The following GRM4 variants were observed in gnomAD, a reference collection of about 807,000 sequenced individuals.
The protein encoded by GRM4 is metabotropic glutamate receptor 4.
A neutral mutation model predicts 81.7 loss-of-function variants in GRM4; 28 were observed. That is an observed-to-expected ratio of 0.34 (90% CI 0.25 to 0.47). The LOEUF is 0.47. GRM4 is among the 20% of genes least tolerant of loss of function. GRM4 has a pLI of 1.00. For synonymous variants in GRM4, 488 were observed against 528.8 expected, an observed-to-expected ratio of 0.92 and a Z score of 1.06; for missense variants, 948 against 1,290.0, an observed-to-expected ratio of 0.73 and a Z score of 4.06.
intron 3 of GRM4, among the ~76,000 whole-genome samples, chr6:34,073,312 A>G (rs1209857321): frequency 6.8e-6 from 1 of 147,022 alleles, no homozygotes; most frequent in Non-Finnish European, 1.5e-5. Context: ...ATCACCACAC[A>G]GATACACACC....
At chr6:34,101,699 G>A (rs924920543) in intron 2 of GRM4, among the ~76,000 whole-genome samples, 8 of 152,238 alleles carry the variant, frequency 5.3e-5, no homozygotes, top group African/African-American at 9.6e-5. Flanking sequence ...ACAAAAGATC[G>A]GGCAGGAGCC....
intron 9 of GRM4, among the ~76,000 whole-genome samples, chr6:34,031,531 T>C (rs1159066156): frequency 6.6e-6 from 1 of 152,170 alleles, no homozygotes; most frequent in Non-Finnish European, 1.5e-5. Context: ...CTGCCTGCCT[T>C]GTGCTTCTGC....
At position 34,070,041 on chromosome 6, in the gene GRM4, C is replaced by T. The variant is rs967387628; in HGVS notation, c.737-8013G>A. On this transcript the variant is annotated intron_variant, in intron 3 of 10. Coordinates refer to ENST00000538487, the MANE Select transcript of GRM4 (RefSeq NM_000841.4). This position sits in a 1 kb window ranked among gnomAD's most constrained non-coding sequence, Gnocchi z 4.6. The stretch of plus-strand genomic sequence containing the variant: ...AATGGAGAACTGAGTTCCTGACTGA[C>T]GGGGTTTTGAAGGGACAGCTCGGCA... Among the ~76,000 whole-genome samples the T allele has an allele frequency of 1.3e-5, 2 of 152,252 alleles. No homozygotes were observed. The highest frequency in any genetic ancestry group is 4.8e-5 in the African/African-American group (2 of 41,558).
At chr6:34,132,718 T>G (rs892384398) in intron 2 of GRM4, among the ~76,000 whole-genome samples, 2 of 152,198 alleles carry the variant, frequency 1.3e-5, no homozygotes, top group Non-Finnish European at 2.9e-5. Context: ...AGGTGCTGTT[T>G]CAGCACCTCG....
intron 2 of GRM4, among the ~76,000 whole-genome samples, chr6:34,112,543 T>TG (rs1194871689): frequency 2.0e-5 from 3 of 152,008 alleles, no homozygotes; most frequent in South Asian, 2.1e-4. Flanking sequence ...AGTTTCTCTG[T>TG]GGGGGAGAGA....
rs772148470 is a variant in GRM4, at chr6:34,097,448, TGTGC to T, written c.520-5353_520-5350del. Reference sequence around the variant, plus strand: ...GCATGCCTGTGTGTGTGTGTGTGTGTGTGCGCGCGCATGTGTGTATCCAGGCACA... The same window carrying T: ...GCATGCCTGTGTGTGTGTGTGTGTGTGCGCGCATGTGTGTATCCAGGCACA... On this transcript the variant is annotated intron_variant, in intron 2 of 10. Transcript: ENST00000538487. Among the ~76,000 whole-genome samples the T allele has an allele frequency of 2.7e-3, 9 of 3,340 alleles. 1 individual carries two copies. The highest frequency in any genetic ancestry group is 7.4e-3 in the African/African-American group (7 of 952). The allele number at this position is 3,340 out of a possible 152,430, so 2.2% of individuals were successfully genotyped here.
chr6:34,149,999 A>C (rs1437518705), upstream of GRM4, among the ~76,000 whole-genome samples: 1 of 152,046 alleles, frequency 6.6e-6, no homozygotes, highest in East Asian at 1.9e-4. Flanking sequence ...TGCTCTCAGG[A>C]TACTGCCCCA....
In GRM4 at chr6:34,021,950, C is replaced by G. The variant is rs1426604581; in HGVS notation, c.*871G>C. On this transcript the variant is annotated 3_prime_UTR_variant, in exon 11 of 11. Coordinates refer to ENST00000538487, the MANE Select transcript of GRM4 (RefSeq NM_000841.4). The surrounding 1 kb of genome is among the most constrained non-coding windows in gnomAD (Gnocchi z 5.3). Reference sequence around the variant, plus strand: ...ATAACCATCACCAAACACCCAGGCACTGAACTCCGTGTGGTCGGCAGGAGG... The same window carrying G: ...ATAACCATCACCAAACACCCAGGCAGTGAACTCCGTGTGGTCGGCAGGAGG... 6.5e-6 allele frequency: 1 copy of G among 154,296 alleles called. No homozygotes were observed. The highest frequency in any genetic ancestry group is 1.4e-5 in the Non-Finnish European group (1 of 69,084). The allele number at this position is 154,296 out of a possible 1,614,324, so 9.6% of individuals were successfully genotyped here.
rs781342171 is a variant in GRM4 at position 34,028,203 on chromosome 6, A to G, written c.2606T>C (p.Met869Thr). ...GCCCTTCTGCGTGAACTTGTTGGACATGGTGGCCGCCGTAACGACGGCTTT... is the reference window on the plus strand; with the variant it reads ...GCCCTTCTGCGTGAACTTGTTGGACGTGGTGGCCGCCGTAACGACGGCTTT... Reference protein sequence around the residue: ...SLKAVVTAATMSNKFTQKGNF... With the variant: ...SLKAVVTAATTSNKFTQKGNF... The change falls in exon 10 of 11, where the codon ATG (methionine) becomes ACG (threonine). Residue 869 changes from methionine (M) to threonine (T), a missense_variant. Met to Thr is a moderately conservative substitution (Grantham distance 81, BLOSUM62 -1). Coordinates refer to ENST00000538487, the MANE Select transcript of GRM4 (RefSeq NM_000841.4). The G allele has an allele frequency of 3.7e-6, 6 of 1,613,840 alleles. No individual in the cohort carries two copies. In the South Asian group the frequency reaches 5.5e-5, roughly 15 times the overall value.
intron 2 of GRM4, among the ~76,000 whole-genome samples, chr6:34,119,566 C>T (rs1281702122): frequency 3.9e-5 from 6 of 152,188 alleles, no homozygotes; most frequent in African/African-American, 1.4e-4. Context: ...AATGCGGCCA[C>T]GTACAGGGAA....
Position 34,077,358 on chromosome 6 carries a change from G to C in GRM4, c.736+14525C>G, listed in dbSNP as rs532643939. Among the ~76,000 whole-genome samples the C allele has an allele frequency of 1.5e-4, 23 of 152,182 alleles. No homozygotes were observed. The South Asian group carries it at 4.6e-3, about 30-fold the overall frequency. ...GCCCCAGATAGCTCAGCGTCCCTGG[G>C]GCAGGTCCAGCCACACCTGGTAGCA... is the stretch of plus-strand genomic sequence containing the variant. On this transcript the variant is annotated intron_variant, in intron 3 of 10. Coordinates refer to ENST00000538487, the MANE Select transcript of GRM4 (RefSeq NM_000841.4).
chr6:34,136,491 T>C lies in GRM4; in HGVS notation c.-363-2632A>G, dbSNP rs955845559. On this transcript the variant is annotated intron_variant, in intron 1 of 10. Transcript: ENST00000538487. This position sits in a 1 kb window ranked among gnomAD's most constrained non-coding sequence, Gnocchi z 4.1. ...GGCCCTGCTTAGGCTTCCAGATCCTTCGTGAGGGCTCACACTGGCTTCTCC... is the reference window on the plus strand; with the variant it reads ...GGCCCTGCTTAGGCTTCCAGATCCTCCGTGAGGGCTCACACTGGCTTCTCC... Among the ~76,000 whole-genome samples the C allele has an allele frequency of 6.6e-6, 1 of 151,770 alleles. No individual in the cohort carries two copies. Among genetic ancestry groups the C allele is most frequent in the Non-Finnish European group, 1.5e-5 (1 of 67,968 alleles).
chr6:34,078,273 TTCTC>T lies in GRM4; in HGVS notation c.736+13606_736+13609del, dbSNP rs34373747. ...CTCTCTCCTGCCCACCTTCTGCTTCTTCTCTGTCTCCCCCCAAATACACACTCTC... is the reference window on the plus strand; with the variant it reads ...CTCTCTCCTGCCCACCTTCTGCTTCTTGTCTCCCCCCAAATACACACTCTC... On this transcript the variant is annotated intron_variant, in intron 3 of 10. Transcript: ENST00000538487. The surrounding 1 kb of genome is among the most constrained non-coding windows in gnomAD (Gnocchi z 4.8). 6.6e-6 allele frequency among the ~76,000 whole-genome samples: 1 copy of T among 151,932 alleles called. No individual in the cohort carries two copies. The highest frequency in any genetic ancestry group is 1.5e-5 in the Non-Finnish European group (1 of 67,990).
rs891513485 is a variant in GRM4 at position 34,031,453 on chromosome 6, T to A, written c.2443-3087A>T. On this transcript the variant is annotated intron_variant, in intron 9 of 10. Transcript: ENST00000538487. The stretch of plus-strand genomic sequence containing the variant: ...GCAGCTGTAGATGTGGATGATGAAT[T>A]TCCTGCTTTCGTGCTAGGCCTGGTG... Among the ~76,000 whole-genome samples the A allele has an allele frequency of 3.9e-5, 6 of 152,156 alleles. 1 individual carries two copies. Among genetic ancestry groups the A allele is most frequent in the Non-Finnish European group, 5.9e-5 (4 of 68,024 alleles).
Position 34,056,662 on chromosome 6 carries a change from G to C in GRM4, c.1050C>G (p.Ser350Arg). 6.2e-7 allele frequency: 1 copy of C among 1,613,662 alleles called. No homozygotes were observed. Among genetic ancestry groups the C allele is most frequent in the African/African-American group, 1.3e-5 (1 of 75,036 alleles). Residue 350 changes from serine (S) to arginine (R), a missense_variant, in exon 6 of 11, where the codon AGC (serine) becomes AGG (arginine). By Grantham distance (110) the Ser-to-Arg change is moderately radical (BLOSUM62 -1). Transcript: ENST00000538487. ...SVRGFDRYFS[S>R]RTLDNNRRNI... The stretch of plus-strand genomic sequence containing the variant: ...TGCGCCGGTTGTTGTCCAGCGTGCG[G>C]CTGGAGAAGTAGCGGTCGAAGCCTG...
chr6:34,134,389 C>T (rs1362072906), intron 1 of GRM4, among the ~76,000 whole-genome samples: 1 of 152,166 alleles, frequency 6.6e-6, no homozygotes, highest in Non-Finnish European at 1.5e-5. Context: ...TTGGCTCTTC[C>T]GGGACTCAGA....
chr6:34,040,837 T>TCCAGGTGGCCAGA, intron 6 of GRM4, 89 bp from the exon 7 acceptor site: 1 of 1,081,672 alleles, frequency 9.2e-7, no homozygotes, highest in Non-Finnish European at 1.4e-6. Flanking sequence ...TCTGGCCACC[T>TCCAGGTGGCCAGA]GGAGAAGTGG....
intron 2 of GRM4, among the ~76,000 whole-genome samples, chr6:34,113,982 A>T (rs1204152066): frequency 2.6e-5 from 4 of 152,034 alleles, no homozygotes; most frequent in Admixed American, 1.3e-4. Flanking sequence ...TTCCTGCTTC[A>T]GGGTCTTTGC....
At chr6:34,081,939 C>A (rs1293605913) in intron 3 of GRM4, among the ~76,000 whole-genome samples, 1 of 152,102 alleles carries the variant, frequency 6.6e-6, no homozygotes, top group Non-Finnish European at 1.5e-5. Context: ...AGGTCAAGGC[C>A]CAAACCCGAG....
Sources: gnomAD v4.1 joint callset for allele counts (sites outside exome capture counted in the v4.1 genomes callset) on GRCh38, gnomAD v4.1.1 for gene constraint, Gnocchi (gnomAD v3.1) non-coding constraint, MANE v1.5 for transcripts, NCBI Gene and HGNC (gene_info 2026-07-23, HGNC 2026-07-21) for gene names.